Variants in SEMA5B observed in about 807,000 individuals in gnomAD.
SEMA5B encodes the protein semaphorin 5B, also known as semaphorin-5B.
A neutral mutation model predicts 135.0 loss-of-function variants in SEMA5B; 66 were observed. The observed-to-expected ratio is 0.49, with a 90% CI of 0.40 to 0.60. The LOEUF is 0.60. SEMA5B is among the 20% of genes least tolerant of loss of function. The probability of loss-of-function intolerance (pLI) is 0.00; values close to 1 mark genes in which losing one functional copy is unlikely to be tolerated. For synonymous variants in SEMA5B, 690 were observed against 639.5 expected, an observed-to-expected ratio of 1.08 and a Z score of -1.19; for missense variants, 1,501 against 1,566.3, an observed-to-expected ratio of 0.96 and a Z score of 0.70.
intron 2 of SEMA5B, among the ~76,000 whole-genome samples, chr3:122,954,117 C>T (rs1004751715): frequency 2.6e-5 from 4 of 152,218 alleles, no homozygotes; most frequent in African/African-American, 9.6e-5. Context: ...TGGAATGCAG[C>T]AGCATGATCA....
intron 1 of SEMA5B, among the ~76,000 whole-genome samples, chr3:123,010,511 C>A (rs1942414025): frequency 6.6e-6 from 1 of 152,012 alleles, no homozygotes; most frequent in South Asian, 2.1e-4. Context: ...GCGAAGTGGT[C>A]CGTTAAAAAA....
At chr3:122,971,225 G>C (rs1013517433) in intron 1 of SEMA5B, among the ~76,000 whole-genome samples, 1 of 152,240 alleles carries the variant, frequency 6.6e-6, no homozygotes, top group Non-Finnish European at 1.5e-5. Flanking sequence ...CTGCAAACTG[G>C]TGGCAGGAAC....
intron 3 of SEMA5B, among the ~76,000 whole-genome samples, chr3:122,946,534 G>A (rs1309608060): frequency 1.3e-5 from 2 of 152,108 alleles, no homozygotes; most frequent in Non-Finnish European, 2.9e-5. Flanking sequence ...CATCCCCAGA[G>A]CACAGTCCTT....
At chr3:122,924,792 T>C (rs1938539649) in intron 9 of SEMA5B, among the ~76,000 whole-genome samples, 1 of 152,176 alleles carries the variant, frequency 6.6e-6, no homozygotes, top group Non-Finnish European at 1.5e-5. Context: ...TTCCTATTCA[T>C]CTTATAGATG....
At chr3:122,994,858 C>T (rs549359965) in intron 1 of SEMA5B, among the ~76,000 whole-genome samples, 2 of 152,214 alleles carry the variant, frequency 1.3e-5, no homozygotes, top group South Asian at 2.1e-4. Context: ...GTGCCACCCA[C>T]GATGCCTGGC....
chr3:123,007,058 G>T (rs1005915802), intron 1 of SEMA5B, among the ~76,000 whole-genome samples: 5 of 152,070 alleles, frequency 3.3e-5, no homozygotes, highest in African/African-American at 1.2e-4. Flanking sequence ...AGACATAAAA[G>T]AACACTCCCA....
In SEMA5B at chr3:122,913,245, C is replaced by T; in HGVS notation, c.2460G>A (p.Glu820=). 1 of 1,586,152 alleles carries T rather than the reference C, an allele frequency of 6.3e-7. No individual in the cohort carries two copies. The highest frequency in any genetic ancestry group is 8.5e-7 in the Non-Finnish European group (1 of 1,174,922). ...AGCCGTCCGCGGGACAGGTCCTCGTCTCGGTCCTTCTCCTGCCGAACTGCA... is the reference window on the plus strand; with the variant it reads ...AGCCGTCCGCGGGACAGGTCCTCGTTTCGGTCCTTCTCCTGCCGAACTGCA... The part of the protein sequence containing the change: ...HGLQFGRRRT[E]TRTCPADGSG... The change falls in exon 17 of 23, where the codon GAG becomes GAA. Residue 820 remains glutamate, a synonymous_variant. Coordinates refer to ENST00000357599, the MANE Select transcript of SEMA5B (RefSeq NM_001031702.4).
At chr3:122,968,588 T>A (rs1252373822) in intron 1 of SEMA5B, among the ~76,000 whole-genome samples, 1 of 152,184 alleles carries the variant, frequency 6.6e-6, no homozygotes, top group Non-Finnish European at 1.5e-5. Context: ...AATACATTTC[T>A]TTCCAGTAGA....
At position 122,915,611 on chromosome 3, in the gene SEMA5B, A is replaced by G. The variant is rs753556496; in HGVS notation, c.1817T>C (p.Val606Ala). Residue 606 changes from valine (V) to alanine (A), a missense_variant, in exon 14 of 23, where the codon GTG (valine) becomes GCG (alanine). Transcript: ENST00000357599. The stretch of plus-strand genomic sequence containing the variant: ...TGGGCCGAAGCCCCCATCCCGTGTC[A>G]CATTCCGCACCTGAAGACACACATG... ...QNITACPVRN[V>A]TRDGGFGPWS... is the part of the protein sequence containing the mutation. The G allele has an allele frequency of 1.1e-5, 18 of 1,612,074 alleles. No homozygotes were observed. The highest frequency in any genetic ancestry group is 1.5e-5 in the Non-Finnish European group (18 of 1,178,596).
intron 1 of SEMA5B, among the ~76,000 whole-genome samples, chr3:122,997,525 C>A (rs79289865): frequency 0.013 from 1,892 of 151,292 alleles, 57 homozygotes; most frequent in African/African-American, 0.039. Context: ...CTCTCCCCCC[C>A]CCGTCTCCAC....
chr3:122,939,362 G>T (rs1407261621), intron 5 of SEMA5B, 63 bp downstream of exon 5: 8 of 1,334,184 alleles, frequency 6.0e-6, no homozygotes, highest in Non-Finnish European at 8.6e-6. Context: ...CACTTGCGTT[G>T]CCCTGCCTTG....
At chr3:122,964,020 G>A (rs191904327) in intron 1 of SEMA5B, among the ~76,000 whole-genome samples, 27 of 152,152 alleles carry the variant, frequency 1.8e-4, no homozygotes, top group African/African-American at 5.8e-4. Context: ...CAGATTGCCA[G>A]CCCTTCTCTT....
chr3:123,027,898 C>T (rs1384601261), upstream of SEMA5B: 2 of 152,118 alleles, frequency 1.3e-5, no homozygotes, highest in African/African-American at 2.4e-5. Flanking sequence ...GCTGCACCCG[C>T]CAGCCTCGAG....
intron 1 of SEMA5B, among the ~76,000 whole-genome samples, chr3:123,006,668 G>A (rs2107777874): frequency 6.6e-6 from 1 of 152,330 alleles, no homozygotes; most frequent in Non-Finnish European, 1.5e-5. Context: ...AGGAGGCTGA[G>A]AGAGCCAGGA....
At chr3:122,956,626 G>T (rs1173094190) in intron 2 of SEMA5B, among the ~76,000 whole-genome samples, 1 of 152,020 alleles carries the variant, frequency 6.6e-6, no homozygotes. Context: ...CCCACAGAGC[G>T]CAAACCAGTC....
Position 122,925,711 on chromosome 3 carries a change from T to C in SEMA5B, c.1136+681A>G, listed in dbSNP as rs142885502. Among the ~76,000 whole-genome samples the C allele has an allele frequency of 2.7e-3, 405 of 152,106 alleles. 2 individuals are homozygous for C. The highest frequency in any genetic ancestry group is 9.4e-3 in the South Asian group (45 of 4,794). On this transcript the variant is annotated intron_variant, in intron 9 of 22. Coordinates refer to ENST00000357599, the MANE Select transcript of SEMA5B (RefSeq NM_001031702.4). The stretch of plus-strand genomic sequence containing the variant: ...GAAAAAAAAAGAAAAAGAAAAAAAG[T>C]ATCGTAAAGTTTTCAGAAAGTTTAC...
chr3:122,922,485 C>G (rs1335397715), intron 10 of SEMA5B, 38 bp from the exon 11 acceptor site: 1 of 1,541,366 alleles, frequency 6.5e-7, no homozygotes, highest in East Asian at 2.4e-5. Context: ...CCCCGGCCAC[C>G]AGGGCTGCCG....
chr3:123,009,533 C>CTG (rs57928598), intron 1 of SEMA5B, among the ~76,000 whole-genome samples: 19,950 of 151,290 alleles, frequency 0.13, 2,034 homozygotes, highest in African/African-American at 0.28. Context: ...GTATGTGTGT[C>CTG]TGTGTGTGTG....
rs1939911800 is a variant in SEMA5B at position 122,948,697 on chromosome 3, CA to C, written c.136del (p.Cys46ValfsTer144). ...TGCAGTCCTAGCTCCGGGAGGCAGA[CA>C]GGGGAGAAGACCTGCAACGTAAACA... ...LLSLVRGLLP[C>X]LPPGARTAEG... On this transcript the variant is annotated frameshift_variant, in exon 3 of 23. Coordinates refer to ENST00000357599, the MANE Select transcript of SEMA5B (RefSeq NM_001031702.4). LOFTEE classifies it high-confidence loss of function. The C allele has an allele frequency of 1.2e-6, 2 of 1,601,804 alleles. No individual in the cohort carries two copies. The highest frequency in any genetic ancestry group is 1.3e-5 in the African/African-American group (1 of 74,688).
Sources: allele counts gnomAD v4.1 joint callset (sites outside exome capture counted in the v4.1 genomes callset), GRCh38; gene constraint gnomAD v4.1.1; transcripts MANE v1.5; gene names NCBI Gene and HGNC (gene_info 2026-07-23, HGNC 2026-07-21).